The following RAI14 variants were observed in gnomAD, a reference collection of about 807,000 sequenced individuals.
RAI14 encodes the protein ankycorbin.
A neutral mutation model predicts 115.4 loss-of-function variants in RAI14; 45 were observed. The ratio of observed to expected loss-of-function variants is 0.39; its 90% confidence interval spans 0.31 to 0.50. RAI14 has a LOEUF of 0.50. Among genes scored for constraint, RAI14 ranks in the 20% least tolerant of loss-of-function variants. The pLI is 0.85. For synonymous variants in RAI14, 371 were observed against 415.4 expected (o/e 0.89, Z 1.30); for missense variants, 939 against 1,131.2 (o/e 0.83, Z 2.44).
intron 3 of RAI14, among the ~76,000 whole-genome samples, chr5:34,769,901 A>G (rs1749925661): frequency 6.6e-6 from 1 of 151,952 alleles, no homozygotes; most frequent in African/African-American, 2.4e-5. Flanking sequence ...TAATTTTTGT[A>G]TTTTTTAGTA....
intron 2 of RAI14, among the ~76,000 whole-genome samples, chr5:34,730,259 A>G (rs1487960933): frequency 7.9e-5 from 12 of 152,216 alleles, no homozygotes; most frequent in Admixed American, 7.2e-4. Flanking sequence ...CTTTATATGC[A>G]CAAATGTAGT....
intron 3 of RAI14, among the ~76,000 whole-genome samples, chr5:34,768,083 G>A (rs919185158): frequency 6.6e-6 from 1 of 152,138 alleles, no homozygotes; most frequent in African/African-American, 2.4e-5. Context: ...ACACTAGCCC[G>A]TGAGAGCAGC....
chr5:34,763,729 T>C (rs1277261131), intron 3 of RAI14, among the ~76,000 whole-genome samples: 1 of 152,174 alleles, frequency 6.6e-6, no homozygotes, highest in African/African-American at 2.4e-5. Flanking sequence ...AAGAAATGCT[T>C]CCTGCCTGAA....
intron 2 of RAI14, among the ~76,000 whole-genome samples, chr5:34,753,513 C>G (rs1046414489): frequency 6.6e-6 from 1 of 151,972 alleles, no homozygotes; most frequent in African/African-American, 2.4e-5. Flanking sequence ...CACGGTGGCT[C>G]ACACGCCTGT....
At chr5:34,686,641 AAATATT>A (rs1230626542) in intron 1 of RAI14, among the ~76,000 whole-genome samples, 1 of 152,222 alleles carries the variant, frequency 6.6e-6, no homozygotes, top group Non-Finnish European at 1.5e-5. Context: ...CAATTAAAAT[AAATATT>A]AATAAGAAGG....
intron 3 of RAI14, among the ~76,000 whole-genome samples, chr5:34,779,379 C>T (rs1250504997): frequency 4.6e-5 from 7 of 152,244 alleles, no homozygotes; most frequent in Non-Finnish European, 1.0e-4. Flanking sequence ...CCAGGGCAAT[C>T]AGGCAGGAGA....
intron 2 of RAI14, chr5:34,687,697 T>G: frequency 6.4e-7 from 1 of 1,551,542 alleles, no homozygotes. Flanking sequence ...GAGAAATTAA[T>G]GGAAGGGAAT....
At chr5:34,672,397 G>A (rs1423568534) in intron 1 of RAI14, among the ~76,000 whole-genome samples, 1 of 152,138 alleles carries the variant, frequency 6.6e-6, no homozygotes, top group Admixed American at 6.5e-5. Flanking sequence ...TGTGGGGGGG[G>A]AGCATATTCA....
chr5:34,738,354 T>C (rs1306210255), intron 2 of RAI14, among the ~76,000 whole-genome samples: 1 of 152,208 alleles, frequency 6.6e-6, no homozygotes, highest in Admixed American at 6.5e-5. Context: ...AGTTTGCTAT[T>C]TCTACACTTT....
chr5:34,736,419 G>T (rs1339057402), intron 2 of RAI14, among the ~76,000 whole-genome samples: 3 of 151,958 alleles, frequency 2.0e-5, no homozygotes, highest in Non-Finnish European at 4.4e-5. Flanking sequence ...AATCAAAATG[G>T]CAAGTGTTTT....
At position 34,811,812 on chromosome 5, in the gene RAI14, G is replaced by A; in HGVS notation, c.603G>A (p.Val201=). The A allele has an allele frequency of 6.2e-7, 1 of 1,613,342 alleles. No homozygotes were observed. The highest frequency in any genetic ancestry group is 1.7e-5 in the Admixed American group (1 of 59,984). The part of the protein sequence containing the change: ...LACEIGSSNA[V]EALIKKGADL... ...GTGAGATTGGCAGCTCTAACGCTGT[G>A]GAAGCCTTAATTAAAAAGGGTGCAG... is the stretch of plus-strand genomic sequence containing the variant. The change falls in exon 9 of 18, where the codon GTG becomes GTA. Residue 201 remains valine (V), a synonymous_variant. Coordinates refer to ENST00000265109, the MANE Select transcript of RAI14 (RefSeq NM_015577.3).
intron 4 of RAI14, 136 bp from the exon 5 acceptor site, chr5:34,803,576 A>G: frequency 1.3e-6 from 1 of 754,424 alleles, no homozygotes; most frequent in East Asian, 3.0e-5. Flanking sequence ...AAAAACAAAC[A>G]AACAAAAAAA....
intron 3 of RAI14, among the ~76,000 whole-genome samples, chr5:34,759,169 A>G (rs1017942406): frequency 1.3e-5 from 2 of 152,160 alleles, no homozygotes; most frequent in Non-Finnish European, 2.9e-5. Flanking sequence ...AGGCTGAGGC[A>G]GGAGAATTGC....
rs781246137 is a variant in RAI14, at chr5:34,757,518, T to C, written c.87T>C (p.Asn29=). The C allele has an allele frequency of 8.1e-6, 13 of 1,613,690 alleles. No individual in the cohort carries two copies. The highest frequency in any genetic ancestry group is 3.3e-5 in the South Asian group (3 of 91,068). The change falls in exon 3 of 18, where the codon AAT becomes AAC. Residue 29 remains asparagine (N), a synonymous_variant. Transcript: ENST00000265109. ...ACCGGCTACTGCAGGCCGTGGAGAA[T>C]GGAGATGCGGAGAAGGTGGCCTCAC... ...NDDRLLQAVE[N]GDAEKVASLL...
intron 2 of RAI14, among the ~76,000 whole-genome samples, chr5:34,738,693 G>A (rs1257798518): frequency 6.6e-6 from 1 of 152,194 alleles, no homozygotes; most frequent in African/African-American, 2.4e-5. Flanking sequence ...CAAGAAGGCA[G>A]CTTGTTGACA....
At chr5:34,691,565 A>G (rs1738604946) in intron 2 of RAI14, among the ~76,000 whole-genome samples, 1 of 152,180 alleles carries the variant, frequency 6.6e-6, no homozygotes, top group Admixed American at 6.5e-5. Context: ...GGCTTCTGGA[A>G]TTTCTTTGTA....
chr5:34,756,322 T>C (rs1326230644), intron 2 of RAI14, among the ~76,000 whole-genome samples: 2 of 152,226 alleles, frequency 1.3e-5, no homozygotes, highest in Non-Finnish European at 2.9e-5. Context: ...GTCTGCTTCC[T>C]TTTAAGGGTC....
At chr5:34,664,256 GAGGAGGGCAGACCACTTGAGCTCAGGAGT>G (rs1418091509) in intron 1 of RAI14, among the ~76,000 whole-genome samples, 2 of 151,636 alleles carry the variant, frequency 1.3e-5, no homozygotes, top group Non-Finnish European at 2.9e-5. Flanking sequence ...TTGAGAGGCT[GAGGAGGGCAGACCACTTGAGCTCAGGAGT>G]TCAAGACCAG....
At chr5:34,711,229 C>T (rs1053710013) in intron 2 of RAI14, among the ~76,000 whole-genome samples, 1 of 152,268 alleles carries the variant, frequency 6.6e-6, no homozygotes, top group South Asian at 2.1e-4. Flanking sequence ...AAAAGAGACT[C>T]AGCAAAGGGT....
Sources: allele counts gnomAD v4.1 joint callset (sites outside exome capture counted in the v4.1 genomes callset), GRCh38; gene constraint gnomAD v4.1.1; transcripts MANE v1.5; gene names NCBI Gene and HGNC (gene_info 2026-07-23, HGNC 2026-07-21).